The following FGD1 variants were observed in gnomAD, a reference collection of about 807,000 sequenced individuals.
FGD1 encodes the protein FYVE, RhoGEF and PH domain-containing protein 1.
FGD1 carries 12 observed loss-of-function variants against 65.0 expected under a neutral mutation model. That is an observed-to-expected ratio of 0.18 (90% CI 0.12 to 0.30). The LOEUF (loss-of-function observed/expected upper bound fraction) is 0.30, where lower values mean the gene tolerates loss of function less well. Ranked by LOEUF, FGD1 falls within the 10% of genes least tolerant of loss-of-function variation. FGD1 has a pLI of 1.00. For missense variants in FGD1, 542 were observed against 837.6 expected, an observed-to-expected ratio of 0.65 and a Z score of 4.36; for synonymous variants, 333 against 343.9, an observed-to-expected ratio of 0.97 and a Z score of 0.35.
chrX:54,470,100 C>A lies in FGD1; in HGVS notation c.1017G>T (p.Leu339=). 8.3e-7 allele frequency: 1 copy of A among 1,210,951 alleles called. No homozygotes were observed. Among genetic ancestry groups the A allele is most frequent in the Non-Finnish European group, 1.1e-6 (1 of 895,051 alleles). ...RPGSQEVDSD[L]EEEDDEEEEE... ...CCTCCTCCTCGTCGTCCTCCTCCTC[C>A]AGGTCACTGTCAACCTCTTGGGAGC... The change falls in exon 4 of 18, where the codon CTG becomes CTT. Residue 339 remains leucine, a synonymous_variant. Coordinates refer to ENST00000375135, the MANE Select transcript of FGD1 (RefSeq NM_004463.3).
chrX:54,446,661 C>G (rs1922195050), intron 17 of FGD1, among the ~76,000 whole-genome samples: 1 of 105,131 alleles, frequency 9.5e-6, no homozygotes, highest in Non-Finnish European at 2.0e-5. Context: ...GGGCTAGTCT[C>G]TTTAGCATAC....
chrX:54,465,440 C>A lies in FGD1; in HGVS notation c.1636+11G>T. 8.3e-7 allele frequency: 1 copy of A among 1,204,059 alleles called. No individual in the cohort carries two copies. Among genetic ancestry groups the A allele is most frequent in the Non-Finnish European group, 1.1e-6 (1 of 891,134 alleles). On this transcript the variant is annotated intron_variant, in intron 8 of 17. Transcript: ENST00000375135. ...GGAGAAGTAGGAAGGGGCCTGGGTG[C>A]ACACACTCACTTTGGGCATCCTTGC...
chrX:54,459,473 C>A (rs1332537743), intron 8 of FGD1, among the ~76,000 whole-genome samples: 1 of 110,292 alleles, frequency 9.1e-6, no homozygotes. Context: ...GCAACTGAGG[C>A]CAGGAGTTCC....
intron 8 of FGD1, 30 bp downstream of exon 8, chrX:54,465,421 G>C: frequency 2.5e-6 from 3 of 1,193,479 alleles, no homozygotes; most frequent in Non-Finnish European, 3.4e-6. Context: ...GTGTGGAGAA[G>C]TAGGAAGGGG....
chrX:54,480,690 C>T (rs1037911853), intron 1 of FGD1, among the ~76,000 whole-genome samples: 5 of 108,600 alleles, frequency 4.6e-5, no homozygotes, highest in East Asian at 2.9e-4. Context: ...GTTACTCTGT[C>T]GCCCAGGCTG....
intron 1 of FGD1, among the ~76,000 whole-genome samples, chrX:54,472,933 A>G (rs747676977): frequency 9.0e-6 from 1 of 111,479 alleles, no homozygotes; most frequent in Non-Finnish European, 1.9e-5. Context: ...CTGTTAGCTT[A>G]TATCACACAC....
intron 17 of FGD1, 107 bp downstream of exon 17, chrX:54,447,204 A>G: frequency 1.1e-6 from 1 of 896,438 alleles, no homozygotes. Flanking sequence ...AGATAGGCTC[A>G]CCTTATCTTC....
At chrX:54,469,643 C>T (rs1283675621) in intron 4 of FGD1, among the ~76,000 whole-genome samples, 1 of 111,837 alleles carries the variant, frequency 8.9e-6, no homozygotes. Context: ...AGCAAGTATT[C>T]CGGCTGAGAT....
At chrX:54,474,189 A>G (rs947832515) in intron 1 of FGD1, among the ~76,000 whole-genome samples, 1 of 111,708 alleles carries the variant, frequency 9.0e-6, no homozygotes, top group Non-Finnish European at 1.9e-5. Context: ...GGTCTTAGCC[A>G]TAGGCCCAGG....
chrX:54,483,451 G>T (rs1337051075), intron 1 of FGD1, among the ~76,000 whole-genome samples: 1 of 112,517 alleles, frequency 8.9e-6, no homozygotes, highest in Non-Finnish European at 1.9e-5. Context: ...TATGCCAGCT[G>T]CAGCTCCCAA....
chrX:54,464,514 T>A (rs1375701031), intron 8 of FGD1, among the ~76,000 whole-genome samples: 1 of 111,844 alleles, frequency 8.9e-6, no homozygotes, highest in Non-Finnish European at 1.9e-5. Flanking sequence ...GGACCTTGTC[T>A]GTTTTGTTCA....
At chrX:54,455,835 T>C in intron 10 of FGD1, 51 bp from the exon 11 acceptor site, 1 of 992,218 alleles carries the variant, frequency 1.0e-6, no homozygotes, top group Non-Finnish European at 1.4e-6. Context: ...AGTGGGGATG[T>C]GGCCCAGCTC....
At chrX:54,493,439 C>T (rs1348889789) in intron 1 of FGD1, among the ~76,000 whole-genome samples, 1 of 111,571 alleles carries the variant, frequency 9.0e-6, no homozygotes, top group Non-Finnish European at 1.9e-5. Context: ...GTACTAAGTG[C>T]AAAGATGGAA....
At chrX:54,484,480 C>T (rs2284710) in intron 1 of FGD1, among the ~76,000 whole-genome samples, 9,784 of 111,528 alleles carry the variant, frequency 0.088, 600 homozygotes, top group East Asian at 0.47. Flanking sequence ...CTTTCACTCT[C>T]CCTTCCCCTG....
intron 6 of FGD1, 30 bp from the exon 7 acceptor site, chrX:54,465,882 C>T (rs779888752): frequency 1.7e-6 from 2 of 1,206,318 alleles, no homozygotes; most frequent in Admixed American, 4.4e-5. Flanking sequence ...TGATGTGGTC[C>T]TGCTGCTCTT....
intron 8 of FGD1, among the ~76,000 whole-genome samples, chrX:54,463,650 A>G (rs910480103): frequency 4.5e-5 from 5 of 109,991 alleles, no homozygotes; most frequent in African/African-American, 1.7e-4. Flanking sequence ...CTACCATTCT[A>G]CTCTTATTTG....
rs990086542 is a variant in FGD1 at position 54,471,260 on chromosome X, C to T, written c.481+54G>A. The T allele has an allele frequency of 1.9e-5, 22 of 1,172,586 alleles. 1 individual carries two copies. Among genetic ancestry groups the T allele is most frequent in the Non-Finnish European group, 2.6e-5 (22 of 861,560 alleles). ...TCTCTGCCACTGGCTAACTTCTCCCCTCCTCTGTACCCTCCCCTGGGCCAC... is the reference window on the plus strand; with the variant it reads ...TCTCTGCCACTGGCTAACTTCTCCCTTCCTCTGTACCCTCCCCTGGGCCAC... On this transcript the variant is annotated intron_variant, in intron 2 of 17. Coordinates refer to ENST00000375135, the MANE Select transcript of FGD1 (RefSeq NM_004463.3).
intron 17 of FGD1, 56 bp from the exon 18 acceptor site, chrX:54,446,470 C>A: frequency 1.8e-6 from 2 of 1,108,256 alleles, no homozygotes; most frequent in South Asian, 3.9e-5. Flanking sequence ...TTTCCCCCGC[C>A]CCAGCTTCTA....
intron 1 of FGD1, among the ~76,000 whole-genome samples, chrX:54,473,036 C>T (rs946441859): frequency 2.7e-4 from 30 of 111,515 alleles, no homozygotes; most frequent in African/African-American, 9.5e-4. Flanking sequence ...AGGTAATCGC[C>T]CTCCTGAAAG....
Sources: gnomAD v4.1 joint callset for allele counts (sites outside exome capture counted in the v4.1 genomes callset) on GRCh38, gnomAD v4.1.1 for gene constraint, MANE v1.5 for transcripts, NCBI Gene and HGNC (gene_info 2026-07-23, HGNC 2026-07-21) for gene names.